Variants in GALNT13 observed in about 807,000 individuals in gnomAD.
GALNT13 encodes polypeptide N-acetylgalactosaminyltransferase 13, also known as UDP-GalNAc:polypeptide N-acetylgalactosaminyltransferase 13.
GALNT13 carries 28 observed loss-of-function variants against 64.2 expected under a neutral mutation model. The observed-to-expected ratio is 0.44, with a 90% CI of 0.32 to 0.60. GALNT13 has a LOEUF of 0.60. Ranked by LOEUF, GALNT13 falls within the 20% of genes least tolerant of loss-of-function variation. The pLI is 0.05. For missense variants in GALNT13, 577 were observed against 669.8 expected, an observed-to-expected ratio of 0.86 and a Z score of 1.53; for synonymous variants, 214 against 224.6, an observed-to-expected ratio of 0.95 and a Z score of 0.42.
At chr2:153,147,750 G>GA in the GALNT13 span, among the ~76,000 whole-genome samples, 1 of 151,746 alleles carries the variant, frequency 6.6e-6, no homozygotes, top group Admixed American at 6.6e-5. Context: ...TTGTTTGGTT[G>GA]AAAACTGGGT....
At chr2:154,018,292 A>G (rs1697146631) in intron 3 of GALNT13, among the ~76,000 whole-genome samples, 1 of 152,308 alleles carries the variant, frequency 6.6e-6, no homozygotes, top group Middle Eastern at 3.4e-3. Context: ...ACTCCCAACC[A>G]TAGGAGAAGG....
intron 3 of GALNT13, among the ~76,000 whole-genome samples, chr2:153,975,147 A>G (rs1574245499): frequency 6.6e-6 from 1 of 152,128 alleles, no homozygotes; most frequent in African/African-American, 2.4e-5. Flanking sequence ...GTATTTTGAC[A>G]TTAATGTTTT....
the GALNT13 span, among the ~76,000 whole-genome samples, chr2:153,401,230 G>A: frequency 6.6e-6 from 1 of 152,024 alleles, no homozygotes; most frequent in Non-Finnish European, 1.5e-5. Context: ...ATGTAGTTGA[G>A]CGCTTTTGAA....
chr2:153,911,981 G>A (rs1653112864), intron 2 of GALNT13, among the ~76,000 whole-genome samples: 1 of 152,142 alleles, frequency 6.6e-6, no homozygotes, highest in Admixed American at 6.5e-5. Flanking sequence ...TCTTATGGAT[G>A]ATAACCTGAA....
the GALNT13 span, among the ~76,000 whole-genome samples, chr2:153,224,899 C>G: frequency 6.6e-6 from 1 of 152,108 alleles, no homozygotes. Context: ...ACAGTCAAAG[C>G]TCCAAAAAGT....
chr2:153,371,920 G>T, the GALNT13 span, among the ~76,000 whole-genome samples: 2 of 152,136 alleles, frequency 1.3e-5, no homozygotes, highest in African/African-American at 2.4e-5. Context: ...GTGCATTAGT[G>T]GGCTTCACTT....
At chr2:153,775,169 G>A in the GALNT13 span, among the ~76,000 whole-genome samples, 1 of 152,076 alleles carries the variant, frequency 6.6e-6, no homozygotes, top group Non-Finnish European at 1.5e-5. Flanking sequence ...GGAGGAGGAA[G>A]TTTCTTTACT....
chr2:153,631,183 G>A, the GALNT13 span, among the ~76,000 whole-genome samples: 1 of 151,998 alleles, frequency 6.6e-6, no homozygotes. Flanking sequence ...GCATATATGT[G>A]CCACATTTTC....
intron 3 of GALNT13, among the ~76,000 whole-genome samples, chr2:154,011,237 T>C (rs1172821112): frequency 6.6e-6 from 1 of 152,184 alleles, no homozygotes; most frequent in Non-Finnish European, 1.5e-5. Context: ...TTCTTCTTAA[T>C]GCTGCTTTAG....
At chr2:153,998,096 A>G (rs563526701) in intron 3 of GALNT13, among the ~76,000 whole-genome samples, 9 of 152,246 alleles carry the variant, frequency 5.9e-5, no homozygotes, top group Admixed American at 2.0e-4. Context: ...CAGTGTCTCA[A>G]TAAACATATG....
the GALNT13 span, among the ~76,000 whole-genome samples, chr2:153,607,552 A>G: frequency 1.3e-5 from 2 of 152,168 alleles, no homozygotes; most frequent in Admixed American, 1.3e-4. Context: ...TAGTACCTCC[A>G]AAAGAAGAAT....
chr2:153,898,652 GA>G (rs948674527), intron 1 of GALNT13, among the ~76,000 whole-genome samples: 2 of 151,392 alleles, frequency 1.3e-5, no homozygotes, highest in Non-Finnish European at 2.9e-5. Context: ...CCTTAGCTAT[GA>G]AAATTATCAA....
At chr2:153,736,128 C>T in the GALNT13 span, among the ~76,000 whole-genome samples, 7 of 152,186 alleles carry the variant, frequency 4.6e-5, no homozygotes, top group African/African-American at 1.7e-4. Flanking sequence ...TTTCCCTCAT[C>T]ATTTCTTCTA....
chr2:153,519,411 C>G, the GALNT13 span, among the ~76,000 whole-genome samples: 1 of 152,140 alleles, frequency 6.6e-6, no homozygotes, highest in Admixed American at 6.5e-5. Context: ...AAATTACAGT[C>G]AACAGGATAG....
At chr2:153,581,398 A>G in the GALNT13 span, among the ~76,000 whole-genome samples, 1 of 151,714 alleles carries the variant, frequency 6.6e-6, no homozygotes. Context: ...CAAATAGGGG[A>G]TGTTCATTTT....
chr2:153,450,671 A>T, the GALNT13 span, among the ~76,000 whole-genome samples: 1 of 151,934 alleles, frequency 6.6e-6, no homozygotes, highest in African/African-American at 2.4e-5. Flanking sequence ...CGATGAACAC[A>T]TATCAGTCAG....
At chr2:153,937,122 T>C (rs1039485176) in intron 2 of GALNT13, among the ~76,000 whole-genome samples, 27 of 152,198 alleles carry the variant, frequency 1.8e-4, no homozygotes, top group Admixed American at 1.2e-3. Flanking sequence ...CAAGCAATTC[T>C]ACACCTAGGT....
chr2:153,757,632 C>A, the GALNT13 span, among the ~76,000 whole-genome samples: 2 of 152,080 alleles, frequency 1.3e-5, no homozygotes, highest in Non-Finnish European at 2.9e-5. Context: ...TTCTCCACAC[C>A]CTCCCCTACA....
the GALNT13 span, among the ~76,000 whole-genome samples, chr2:153,779,592 C>T: frequency 6.6e-6 from 1 of 152,062 alleles, no homozygotes; most frequent in Non-Finnish European, 1.5e-5. Flanking sequence ...ATTTCATATT[C>T]TTATAAGCAG....
Sources: gnomAD v4.1 joint callset for allele counts (sites outside exome capture counted in the v4.1 genomes callset) on GRCh38, gnomAD v4.1.1 for gene constraint, MANE v1.5 for transcripts, NCBI Gene and HGNC (gene_info 2026-07-23, HGNC 2026-07-21) for gene names.